Variants in IDUA observed in about 807,000 individuals in gnomAD.
IDUA encodes iduronidase alpha-L-.
A neutral mutation model predicts 68.9 loss-of-function variants in IDUA; 65 were observed. The observed-to-expected ratio is 0.94, with a 90% CI of 0.77 to 1.16. IDUA has a LOEUF of 1.16. Among genes scored for constraint, IDUA ranks in the 50% most tolerant of loss-of-function variants. IDUA has a pLI of 0.00. For missense variants in IDUA, 1,046 were observed against 938.0 expected (o/e 1.12, Z -1.50); for synonymous variants, 529 against 433.6 (o/e 1.22, Z -2.73).
Position 1,002,829 on chromosome 4 carries a change from C to A in IDUA, c.1287C>A (p.Gly429=). ...TGGCCAGCGCCCACCGCCCCCAGGG[C>A]CCGGCCGACGCCTGGCGCGCCGCGG... is the stretch of plus-strand genomic sequence containing the variant. ...GVLASAHRPQ[G]PADAWRAAVL... Residue 429 remains glycine (G), a synonymous_variant, in exon 9 of 14, where the codon GGC becomes GGA. Transcript: ENST00000514224. 6.9e-7 allele frequency: 1 copy of A among 1,455,594 alleles called. No homozygotes were observed. Among genetic ancestry groups the A allele is most frequent in the Non-Finnish European group, 9.0e-7 (1 of 1,110,124 alleles). 90.2% of individuals were successfully genotyped at this position (1,455,594 alleles called of 1,614,324 possible).
chr4:999,700 G>A (rs138298498), intron 2 of IDUA: 3,955 of 142,026 alleles, frequency 0.028, 63 homozygotes, highest in Non-Finnish European at 0.04. Context: ...TGCAGGCCTC[G>A]TGGGAATTCA....
chr4:990,135 C>T (rs751808937), intron 2 of IDUA: 25 of 1,571,836 alleles, frequency 1.6e-5, no homozygotes, highest in South Asian at 1.2e-4. Context: ...CCAGGCACAC[C>T]GTGCTGGTGA....
intron 2 of IDUA, among the ~76,000 whole-genome samples, chr4:994,654 G>T (rs1714631452): frequency 6.6e-6 from 1 of 152,044 alleles, no homozygotes; most frequent in South Asian, 2.1e-4. Context: ...AGCCAGGATG[G>T]TCTTGATCTC....
intron 8 of IDUA, 37 bp from the exon 9 acceptor site, chr4:1,002,695 C>A: frequency 1.4e-6 from 2 of 1,390,532 alleles, no homozygotes; most frequent in Non-Finnish European, 1.9e-6. Flanking sequence ...GGCTGGGCAA[C>A]GACCCCACGC....
rs752530466 is a variant in IDUA at position 1,001,705 on chromosome 4, T to C, written c.616T>C (p.Ser206Pro). 2.5e-6 allele frequency: 4 copies of C among 1,599,856 alleles called. No homozygotes were observed. The highest frequency in any genetic ancestry group is 3.4e-6 in the Non-Finnish European group (4 of 1,178,890). Residue 206 changes from serine (S) to proline (P), a missense_variant, in exon 6 of 14, where the codon TCG becomes CCG. By Grantham distance (74) the Ser-to-Pro change is moderately conservative. Transcript: ENST00000514224. ...CTTCCTGAACTACTACGATGCCTGC[T>C]CGGAGGGTCTGCGCGCCGCCAGCCC... is the stretch of plus-strand genomic sequence containing the variant. ...QGFLNYYDACSEGLRAASPAL... is the reference protein window; with the variant it reads ...QGFLNYYDACPEGLRAASPAL...
At chr4:991,083 G>A (rs1292980427) in intron 2 of IDUA, 7 of 1,504,556 alleles carry the variant, frequency 4.7e-6, no homozygotes, top group African/African-American at 2.8e-5. Flanking sequence ...AAACCTAAGG[G>A]GGGGTGCCCT....
chr4:1,002,450 C>T lies in IDUA; in HGVS notation c.1154C>T (p.Pro385Leu). 1 of 1,556,854 alleles carries T rather than the reference C, an allele frequency of 6.4e-7. No individual in the cohort carries two copies. Among genetic ancestry groups the T allele is most frequent in the Non-Finnish European group, 8.7e-7 (1 of 1,151,464 alleles). Residue 385 changes from proline to leucine, a missense_variant, in exon 8 of 14, where the codon CCG becomes CTG. Pro to Leu is a moderately conservative substitution (Grantham distance 98). Transcript: ENST00000514224. Reference protein sequence around the residue: ...RPPHVQLLRKPVLTAMGLLAL... With the variant: ...RPPHVQLLRKLVLTAMGLLAL... ...CCGCACGTGCAGCTGTTGCGCAAGC[C>T]GGTGCTCACGGCCATGGGGCTGCTG... is the stretch of plus-strand genomic sequence containing the variant.
intron 2 of IDUA, among the ~76,000 whole-genome samples, chr4:996,855 G>A (rs1460075961): frequency 6.6e-6 from 1 of 152,064 alleles, no homozygotes; most frequent in Non-Finnish European, 1.5e-5. Flanking sequence ...ATTCTACCCC[G>A]AGCCTGTGCA....
At position 1,003,050 on chromosome 4, in the gene IDUA, A is replaced by T. The variant is rs1161506466; in HGVS notation, c.1417A>T (p.Thr473Ser). ...AGGCCCCGCAGGCCTGGTCTACGTC[A>T]CGCGCTACCTGGACAACGGGCTCTG... ...VPPGPGLVYV[T>S]RYLDNGLCSP... is the part of the protein sequence containing the mutation. Residue 473 changes from threonine (T) to serine (S), a missense_variant, in exon 10 of 14, where the codon ACG becomes TCG. Thr to Ser is a moderately conservative substitution (Grantham distance 58). Transcript: ENST00000514224. 1.9e-5 allele frequency: 29 copies of T among 1,512,384 alleles called. No individual in the cohort carries two copies. Among genetic ancestry groups the T allele is most frequent in the African/African-American group, 2.9e-5 (2 of 69,524 alleles). The allele number at this position is 1,512,384 out of a possible 1,614,324, so 93.7% of individuals were successfully genotyped here. A position where few individuals can be genotyped will look rare whatever the true frequency, so the allele number is the denominator to read the frequency against.
At chr4:990,181 A>G in intron 2 of IDUA, 2 of 1,560,218 alleles carry the variant, frequency 1.3e-6, no homozygotes, top group South Asian at 1.2e-5. Context: ...GGCGCCGCGC[A>G]GCAGGCTCAG....
At chr4:987,327 A>G in intron 1 of IDUA, 85 bp downstream of exon 1, 1 of 1,270,582 alleles carries the variant, frequency 7.9e-7, no homozygotes. Context: ...AGAGCTTCAG[A>G]GACCGGAGCT....
intron 4 of IDUA, 161 bp from the exon 5 acceptor site, chr4:1,001,307 C>T: frequency 1.4e-6 from 1 of 734,814 alleles, no homozygotes; most frequent in Non-Finnish European, 2.4e-6. Context: ...GTCTTGGACC[C>T]CCTTGAGCCA....
In IDUA at chr4:1,000,678, G is replaced by A. The variant is rs1428860307; in HGVS notation, c.366G>A (p.Arg122=). The A allele has an allele frequency of 6.2e-6, 10 of 1,612,096 alleles. No individual in the cohort carries two copies. Among genetic ancestry groups the A allele is most frequent in the South Asian group, 1.1e-5 (1 of 91,062 alleles). ...TGGACGGGTACCTGGACCTTCTCAG[G>A]GAGAACCAGCTCCTCCCAGGTGAGC... The part of the protein sequence containing the change: ...THLDGYLDLL[R]ENQLLPGFEL... Residue 122 remains arginine (R), a synonymous_variant, in exon 3 of 14, where the codon AGG becomes AGA. Transcript: ENST00000514224.
Position 1,004,243 on chromosome 4 carries a change from T to G in IDUA, c.1829-17T>G. 5 of 1,609,436 alleles carry G rather than the reference T, an allele frequency of 3.1e-6. No individual in the cohort carries two copies. The highest frequency in any genetic ancestry group is 4.2e-6 in the Non-Finnish European group (5 of 1,179,942). ...GGGGGCAGGTTCCGGTTGGCACACATGTCCCCTTGTCTCCAGACACAGGTG... is the reference window on the plus strand; with the variant it reads ...GGGGGCAGGTTCCGGTTGGCACACAGGTCCCCTTGTCTCCAGACACAGGTG... On this transcript the variant is annotated splice_polypyrimidine_tract_variant and intron_variant, in intron 13 of 13. Transcript: ENST00000514224. This position sits in a 1 kb window ranked among gnomAD's most constrained non-coding sequence, Gnocchi z 5.0.
intron 2 of IDUA, chr4:988,475 T>C (rs1269673110): frequency 3.6e-6 from 4 of 1,114,950 alleles, no homozygotes; most frequent in Non-Finnish European, 4.4e-6. Context: ...GGGAGTCCTC[T>C]TGGCACCTTG....
intron 2 of IDUA, chr4:992,298 C>T (rs1714425458): frequency 4.6e-6 from 2 of 432,832 alleles, no homozygotes; most frequent in East Asian, 7.1e-5. Flanking sequence ...TCCAAACCAT[C>T]GCCTGCTCTC....
Position 1,004,066 on chromosome 4 carries a change from G to C in IDUA, c.1782G>C (p.Pro594=). The C allele has an allele frequency of 6.2e-7, 1 of 1,612,206 alleles. No individual in the cohort carries two copies. The highest frequency in any genetic ancestry group is 8.5e-7 in the Non-Finnish European group (1 of 1,179,730). ...QFSQDGKAYT[P]VSRKPSTFNL... Reference sequence around the variant, plus strand: ...CTCAGGACGGTAAGGCGTACACCCCGGTCAGCAGGAAGCCATCGACCTTCA... The same window carrying C: ...CTCAGGACGGTAAGGCGTACACCCCCGTCAGCAGGAAGCCATCGACCTTCA... The change falls in exon 13 of 14, where the codon CCG becomes CCC. Residue 594 remains proline (P), a synonymous_variant. Coordinates refer to ENST00000514224, the MANE Select transcript of IDUA (RefSeq NM_000203.5). This position sits in a 1 kb window ranked among gnomAD's most constrained non-coding sequence, Gnocchi z 5.0.
At chr4:997,821 G>A (rs965848025) in intron 2 of IDUA, among the ~76,000 whole-genome samples, 5 of 152,196 alleles carry the variant, frequency 3.3e-5, no homozygotes. Context: ...TCCCTGTCCC[G>A]GGCTCCCCTC....
intron 2 of IDUA, chr4:989,021 G>T (rs111921899): frequency 6.3e-7 from 1 of 1,585,956 alleles, no homozygotes. Flanking sequence ...CTGATGCCCA[G>T]GGCCCCGTAG....
Sources: allele counts gnomAD v4.1 joint callset (sites outside exome capture counted in the v4.1 genomes callset), GRCh38; gene constraint gnomAD v4.1.1; non-coding constraint Gnocchi (gnomAD v3.1); transcripts MANE v1.5; gene names NCBI Gene and HGNC (gene_info 2026-07-23, HGNC 2026-07-21).